Variants in SLC36A4 observed in about 807,000 individuals in gnomAD.
SLC36A4 encodes solute carrier family 36 member 4.
A neutral mutation model predicts 50.5 loss-of-function variants in SLC36A4; 49 were observed. The observed-to-expected ratio is 0.97, with a 90% CI of 0.77 to 1.23. The LOEUF (loss-of-function observed/expected upper bound fraction) is 1.23. Among genes scored for constraint, SLC36A4 ranks in the 50% most tolerant of loss-of-function variants. The probability of loss-of-function intolerance (pLI) is 0.00; values close to 1 mark genes in which losing one functional copy is unlikely to be tolerated. For missense variants in SLC36A4, 611 were observed against 608.4 expected (o/e 1.00, Z -0.05); for synonymous variants, 207 against 206.5 (o/e 1.00, Z -0.02).
chr11:93,164,384 A>T (rs1374308820), intron 8 of SLC36A4, among the ~76,000 whole-genome samples: 2 of 152,228 alleles, frequency 1.3e-5, no homozygotes, highest in African/African-American at 4.8e-5. Flanking sequence ...TAACCATAAA[A>T]TTAGGCCATA....
rs200479590 is a variant in SLC36A4 at position 93,165,926 on chromosome 11, T to A, written c.859A>T (p.Ile287Leu). The A allele has an allele frequency of 6.3e-7, 1 of 1,598,616 alleles. No individual in the cohort carries two copies. The highest frequency in any genetic ancestry group is 8.6e-7 in the Non-Finnish European group (1 of 1,169,156). Residue 287 changes from isoleucine to leucine, a missense_variant, in exon 8 of 11, where the codon ATA (isoleucine) becomes TTA (leucine). Transcript: ENST00000326402. ...AAAGACTAAATTCTTACCACTCCTA[T>A]GCCTTCAAAAGCAAATACAGCAGTA... Reference protein sequence around the residue: ...FGTAVFAFEGIGVVLPLENQM... With the variant: ...FGTAVFAFEGLGVVLPLENQM...
In SLC36A4 at chr11:93,154,222, T is replaced by C. The variant is rs767252295; in HGVS notation, c.1093A>G (p.Ile365Val). Residue 365 changes from isoleucine (I) to valine (V), a missense_variant, in exon 10 of 11, where the codon ATT (isoleucine) becomes GTT (valine). Transcript: ENST00000326402. ...YSFGIFVTYSIQFYVPAEIII... is the reference protein window; with the variant it reads ...YSFGIFVTYSVQFYVPAEIII... ...ATCTCTGCTGGAACATAGAACTGAA[T>C]TGAATATGTCACAAAAATGCCAAAG... 1.3e-5 allele frequency: 20 copies of C among 1,534,700 alleles called. No homozygotes were observed. Among genetic ancestry groups the C allele is most frequent in the East Asian group, 1.2e-4 (5 of 42,098 alleles).
chr11:93,182,880 G>C lies in SLC36A4; in HGVS notation c.285C>G (p.Ser95Arg), dbSNP rs748055651. The C allele has an allele frequency of 6.2e-7, 1 of 1,610,678 alleles. No homozygotes were observed. Residue 95 changes from serine (S) to arginine (R), a missense_variant, in exon 4 of 11, where the codon AGC becomes AGG. Coordinates refer to ENST00000326402, the MANE Select transcript of SLC36A4 (RefSeq NM_152313.4). ...KNAGIVLGPI[S>R]LVFIGIISVH... is the part of the protein sequence containing the mutation. ...CAGAAATAATTCCTATAAACACAAG[G>C]CTGATTGGTCCAAGCTGTGGGGAAA...
At chr11:93,188,744 C>G (rs1289207258) in intron 1 of SLC36A4, among the ~76,000 whole-genome samples, 1 of 152,172 alleles carries the variant, frequency 6.6e-6, no homozygotes, top group Non-Finnish European at 1.5e-5. Context: ...CTGTTATACT[C>G]TATACAAAAT....
At chr11:93,180,109 T>A in intron 6 of SLC36A4, 1 of 952,700 alleles carries the variant, frequency 1.0e-6, no homozygotes, top group Non-Finnish European at 1.2e-6. Flanking sequence ...GACATGTGGA[T>A]AATTAATAAA....
intron 6 of SLC36A4, among the ~76,000 whole-genome samples, chr11:93,172,153 T>A (rs1861175868): frequency 6.6e-6 from 1 of 152,048 alleles, no homozygotes; most frequent in Admixed American, 6.6e-5. Flanking sequence ...TTGAAAAAAA[T>A]AATAAAATGA....
chr11:93,185,512 T>C lies in SLC36A4; in HGVS notation c.179+179A>G, dbSNP rs772999361. On this transcript the variant is annotated intron_variant, in intron 2 of 10. Transcript: ENST00000326402. ...CGCATCATCACTCCAGTAATTCCTA[T>C]ACACTGCTCTGTGATTTAAACGCAT... 115 of 490,376 alleles carry C rather than the reference T, an allele frequency of 2.3e-4. No individual in the cohort carries two copies. The highest frequency in any genetic ancestry group is 6.3e-4 in the Admixed American group (16 of 25,378). 30.4% of individuals were successfully genotyped at this position (490,376 alleles called of 1,614,324 possible).
intron 6 of SLC36A4, among the ~76,000 whole-genome samples, chr11:93,176,894 A>G (rs557515789): frequency 1.1e-4 from 16 of 151,924 alleles, no homozygotes; most frequent in Non-Finnish European, 2.2e-4. Context: ...GTTTTCCTTC[A>G]TTTCAACTTT....
intron 6 of SLC36A4, among the ~76,000 whole-genome samples, chr11:93,175,938 G>C (rs1206235025): frequency 7.5e-6 from 1 of 133,060 alleles, no homozygotes; most frequent in Non-Finnish European, 1.6e-5. Flanking sequence ...ATTTGGGGTG[G>C]AGAGTTCTGT....
At chr11:93,164,745 T>C (rs567215436) in intron 8 of SLC36A4, among the ~76,000 whole-genome samples, 28 of 152,334 alleles carry the variant, frequency 1.8e-4, no homozygotes, top group Non-Finnish European at 3.7e-4. Flanking sequence ...ATAGGTGTTT[T>C]ATGTATAGTC....
At position 93,171,396 on chromosome 11, in the gene SLC36A4, T is replaced by C. The variant is rs180899787; in HGVS notation, c.541-3225A>G. ...TCACAACTAAAATCTGACAAGACAATGTCCCATGGGGTGATTAACAATTAA... is the reference window on the plus strand; with the variant it reads ...TCACAACTAAAATCTGACAAGACAACGTCCCATGGGGTGATTAACAATTAA... On this transcript the variant is annotated intron_variant, in intron 6 of 10. Coordinates refer to ENST00000326402, the MANE Select transcript of SLC36A4 (RefSeq NM_152313.4). 2.6e-5 allele frequency: 4 copies of C among 152,178 alleles called. No homozygotes were observed. In the East Asian group the frequency reaches 7.7e-4, roughly 29 times the overall value. The allele number at this position is 152,178 out of a possible 1,614,324, so 9.4% of individuals were successfully genotyped here.
Position 93,148,825 on chromosome 11 carries a change from A to G in SLC36A4, c.1227T>C (p.Ile409=). ...VSITCAGAIL[I]PRLDIVISFV... ...AGGAAATCACAATGTCTAAACGAGG[A>G]ATAAGAATTGCTCCGGCACCTAGAA... is the stretch of plus-strand genomic sequence containing the variant. The change falls in exon 11 of 11, where the codon ATT becomes ATC. Residue 409 remains isoleucine (I), a synonymous_variant. Coordinates refer to ENST00000326402, the MANE Select transcript of SLC36A4 (RefSeq NM_152313.4). The G allele has an allele frequency of 6.2e-7, 1 of 1,610,434 alleles. No individual in the cohort carries two copies.
intron 5 of SLC36A4, 122 bp downstream of exon 5, chr11:93,181,569 A>AG: frequency 1.5e-6 from 1 of 675,536 alleles, no homozygotes; most frequent in Non-Finnish European, 2.2e-6. Flanking sequence ...TTTAACTCTA[A>AG]GGGTTACATA....
At chr11:93,186,912 C>T (rs1862007199) in intron 1 of SLC36A4, among the ~76,000 whole-genome samples, 1 of 152,108 alleles carries the variant, frequency 6.6e-6, no homozygotes, top group Non-Finnish European at 1.5e-5. Context: ...CTGGGGTGGG[C>T]CTGAAAATAT....
chr11:93,168,826 T>C (rs1861001040), intron 6 of SLC36A4, among the ~76,000 whole-genome samples: 1 of 152,028 alleles, frequency 6.6e-6, no homozygotes. Context: ...TAAAACTTAT[T>C]CAGCCATTCC....
chr11:93,154,874 T>G (rs2134633049), intron 9 of SLC36A4: 1 of 152,244 alleles, frequency 6.6e-6, no homozygotes, highest in African/African-American at 2.4e-5. Flanking sequence ...TGGGTAAGGT[T>G]GTTGTTATTC....
At chr11:93,152,654 C>T (rs893746022) in intron 10 of SLC36A4, 66 of 152,166 alleles carry the variant, frequency 4.3e-4, no homozygotes, top group African/African-American at 1.5e-3. Flanking sequence ...TCAGCTGATT[C>T]ATAACTTCAA....
chr11:93,154,919 G>C (rs1846986658), intron 9 of SLC36A4: 1 of 152,040 alleles, frequency 6.6e-6, no homozygotes. Flanking sequence ...TTGATATACA[G>C]TGCTTCAAAA....
chr11:93,151,089 A>G (rs922577953), intron 10 of SLC36A4, among the ~76,000 whole-genome samples: 4 of 152,026 alleles, frequency 2.6e-5, no homozygotes, highest in Non-Finnish European at 5.9e-5. Context: ...TAAACATTAT[A>G]TTACCAAAAG....
Sources: gnomAD v4.1 joint callset for allele counts (sites outside exome capture counted in the v4.1 genomes callset) on GRCh38, gnomAD v4.1.1 for gene constraint, MANE v1.5 for transcripts, NCBI Gene and HGNC (gene_info 2026-07-23, HGNC 2026-07-21) for gene names.